The following EPB41 variants were observed in gnomAD, a reference collection of about 807,000 sequenced individuals.
EPB41 encodes protein 4.1.
EPB41 carries 65 observed loss-of-function variants against 108.0 expected under a neutral mutation model. The ratio of observed to expected loss-of-function variants is 0.60; its 90% confidence interval spans 0.49 to 0.74. EPB41 has a LOEUF of 0.74. Ranked by LOEUF, EPB41 falls within the 30% of genes least tolerant of loss-of-function variation. The pLI, the probability that EPB41 is intolerant of heterozygous loss-of-function variation, is 0.00. For missense variants in EPB41, 875 were observed against 1,037.0 expected, an observed-to-expected ratio of 0.84 and a Z score of 2.15; for synonymous variants, 336 against 358.9, an observed-to-expected ratio of 0.94 and a Z score of 0.72.
chr1:28,972,233 T>A (rs2095512218), intron 1 of EPB41, among the ~76,000 whole-genome samples: 2 of 152,228 alleles, frequency 1.3e-5, no homozygotes, highest in Admixed American at 1.3e-4. Flanking sequence ...CCCAGCCCAC[T>A]TTGACACTTA....
intron 1 of EPB41, among the ~76,000 whole-genome samples, chr1:28,975,574 C>G (rs1236194696): frequency 6.6e-6 from 1 of 152,138 alleles, no homozygotes; most frequent in African/African-American, 2.4e-5. Context: ...TCTCAGGAAT[C>G]AAGTCCCAAC....
chr1:28,895,107 C>A (rs1038986847), intron 1 of EPB41, among the ~76,000 whole-genome samples: 2 of 152,128 alleles, frequency 1.3e-5, no homozygotes, highest in Non-Finnish European at 2.9e-5. Context: ...TAAAAGACAC[C>A]TCCCTTGAAG....
intron 1 of EPB41, among the ~76,000 whole-genome samples, chr1:28,896,794 T>C (rs1268506070): frequency 1.3e-5 from 2 of 150,182 alleles, no homozygotes; most frequent in African/African-American, 2.5e-5. Context: ...GCCGAGATCT[T>C]GGGCTGGGGA....
At chr1:28,901,735 T>C (rs1288094190) in intron 1 of EPB41, among the ~76,000 whole-genome samples, 1 of 152,124 alleles carries the variant, frequency 6.6e-6, no homozygotes, top group Non-Finnish European at 1.5e-5. Flanking sequence ...GGTTTCGCCA[T>C]GTTGACCAGG....
chr1:28,993,816 C>T (rs934378236), intron 3 of EPB41, among the ~76,000 whole-genome samples: 3 of 152,104 alleles, frequency 2.0e-5, no homozygotes, highest in African/African-American at 7.2e-5. Flanking sequence ...GCCACCATGC[C>T]AGGCTAATTT....
chr1:29,027,770 A>C (rs971766608), intron 7 of EPB41, among the ~76,000 whole-genome samples: 2 of 152,226 alleles, frequency 1.3e-5, no homozygotes, highest in African/African-American at 4.8e-5. Context: ...TGCAAACATC[A>C]GCCAAACTTC....
At chr1:28,905,869 G>A (rs2091782711) in intron 1 of EPB41, among the ~76,000 whole-genome samples, 1 of 148,204 alleles carries the variant, frequency 6.7e-6, no homozygotes, top group East Asian at 2.0e-4. Context: ...CCAGGCTGGA[G>A]TGCAGTGGCG....
chr1:28,942,191 C>A (rs1445908555), intron 1 of EPB41, among the ~76,000 whole-genome samples: 1 of 152,184 alleles, frequency 6.6e-6, no homozygotes, highest in African/African-American at 2.4e-5. Context: ...ACACACTAAC[C>A]AAGCAATTCT....
chr1:29,089,830 G>A (rs1017662033), intron 16 of EPB41, among the ~76,000 whole-genome samples: 1 of 152,150 alleles, frequency 6.6e-6, no homozygotes, highest in Non-Finnish European at 1.5e-5. Context: ...AATTTTCAGT[G>A]TTTAATTTTA....
intron 1 of EPB41, among the ~76,000 whole-genome samples, chr1:28,918,036 A>T (rs141496622): frequency 2.6e-5 from 4 of 152,182 alleles, no homozygotes; most frequent in Non-Finnish European, 5.9e-5. Context: ...ATCAGTGGCC[A>T]TGAGAGGCTG....
chr1:28,899,952 A>G (rs1360229345), intron 1 of EPB41, among the ~76,000 whole-genome samples: 1 of 152,182 alleles, frequency 6.6e-6, no homozygotes, highest in African/African-American at 2.4e-5. Flanking sequence ...TTTTTCCCCT[A>G]TAACGTGGGG....
At chr1:29,048,860 T>C (rs1643995634) in intron 11 of EPB41, among the ~76,000 whole-genome samples, 1 of 152,228 alleles carries the variant, frequency 6.6e-6, no homozygotes, top group South Asian at 2.1e-4. Flanking sequence ...TTTTTAAATG[T>C]CTTATTTTTC....
chr1:28,900,622 T>G (rs761443318), intron 1 of EPB41, among the ~76,000 whole-genome samples: 6 of 152,032 alleles, frequency 3.9e-5, no homozygotes, highest in Non-Finnish European at 8.8e-5. Flanking sequence ...GTCTCATGCC[T>G]TTGTTTGTAA....
chr1:28,890,905 G>C lies in EPB41; in HGVS notation c.-8+3695G>C, dbSNP rs1367597158. The stretch of plus-strand genomic sequence containing the variant: ...TGCCCACATTGCTCAGCCCTTACCT[G>C]TGGAACTGTTTGACCCCTGCTGGAG... On this transcript the variant is annotated intron_variant, in intron 1 of 16. Transcript: ENST00000347529. 3.0e-6 allele frequency: 3 copies of C among 985,294 alleles called. No homozygotes were observed. The African/African-American group carries it at 5.2e-5, about 17-fold the overall frequency. 61.0% of individuals were successfully genotyped at this position (985,294 alleles called of 1,614,324 possible).
chr1:29,033,654 GT>G (rs1296731026), intron 9 of EPB41, among the ~76,000 whole-genome samples: 1,574 of 152,076 alleles, frequency 0.01, 32 homozygotes, highest in African/African-American at 0.035. Context: ...ATAGCTTCTC[GT>G]GGTTACTGAG....
At chr1:28,929,009 G>A (rs1422481791) in intron 1 of EPB41, among the ~76,000 whole-genome samples, 1 of 152,088 alleles carries the variant, frequency 6.6e-6, no homozygotes, top group Non-Finnish European at 1.5e-5. Flanking sequence ...TTCTTCATCT[G>A]TTAAATTTGT....
intron 14 of EPB41, among the ~76,000 whole-genome samples, chr1:29,059,069 G>A (rs889572182): frequency 1.3e-5 from 2 of 152,170 alleles, no homozygotes; most frequent in African/African-American, 4.8e-5. Context: ...GGGGTCAGGA[G>A]TTTGAGACCA....
At chr1:29,094,901 GA>G (rs1173562305) in intron 16 of EPB41, among the ~76,000 whole-genome samples, 1 of 152,124 alleles carries the variant, frequency 6.6e-6, no homozygotes, top group Non-Finnish European at 1.5e-5. Flanking sequence ...GATTTAAAAT[GA>G]CATGGTATTT....
At chr1:29,038,766 A>T (rs1157943784) in intron 10 of EPB41, among the ~76,000 whole-genome samples, 1 of 152,224 alleles carries the variant, frequency 6.6e-6, no homozygotes, top group African/African-American at 2.4e-5. Context: ...AACTGAGTTT[A>T]AAAATACACC....
Sources: allele counts gnomAD v4.1 joint callset (sites outside exome capture counted in the v4.1 genomes callset), GRCh38; gene constraint gnomAD v4.1.1; transcripts MANE v1.5; gene names NCBI Gene and HGNC (gene_info 2026-07-23, HGNC 2026-07-21).